FBXL13: variants seen among roughly 807,000 people sequenced by gnomAD.
FBXL13 encodes the protein F-box and leucine rich repeat protein 13.
In FBXL13, 67 loss-of-function variants were observed where a neutral mutation model predicts 83.6. The ratio of observed to expected loss-of-function variants is 0.80; its 90% CI spans 0.66 to 0.98. The LOEUF (loss-of-function observed/expected upper bound fraction) is 0.98, where lower values mean the gene tolerates loss of function less well. Ranked by LOEUF, FBXL13 falls within the 50% of genes least tolerant of loss-of-function variation. The pLI is 0.00. For missense variants in FBXL13, 822 were observed against 866.5 expected (o/e 0.95, Z 0.64); for synonymous variants, 272 against 299.5 (o/e 0.91, Z 0.95).
In FBXL13 at chr7:103,015,935, CTAACCAGCTA is replaced by C. The variant is rs1402542172; in HGVS notation, c.495+9118_495+9127del. Among the ~76,000 whole-genome samples the C allele has an allele frequency of 1.6e-4, 25 of 152,014 alleles. No homozygotes were observed. The East Asian group carries it at 2.1e-3, about 13-fold the overall frequency. On this transcript the variant is annotated intron_variant, in intron 6 of 19. Coordinates refer to ENST00000313221, the Ensembl canonical transcript of FBXL13. ...GAATAAAATAAACAGGAATACAGCT[CTAACCAGCTA>C]TAACCAAGGAGGTGAAAGACCTCTA...
intron 17 of FBXL13, among the ~76,000 whole-genome samples, chr7:102,842,085 G>C (rs1185793890): frequency 6.6e-6 from 1 of 152,154 alleles, no homozygotes; most frequent in African/African-American, 2.4e-5. Flanking sequence ...TGGAGTATTG[G>C]ATGAGAAGAG....
At chr7:103,070,141 T>C (rs545662382) in intron 1 of FBXL13, among the ~76,000 whole-genome samples, 1 of 151,852 alleles carries the variant, frequency 6.6e-6, no homozygotes, top group East Asian at 1.9e-4. Context: ...TCTTGAATTA[T>C]CAACAGAAGA....
chr7:103,020,361 C>G (rs1792998818), intron 6 of FBXL13, among the ~76,000 whole-genome samples: 1 of 152,178 alleles, frequency 6.6e-6, no homozygotes, highest in Non-Finnish European at 1.5e-5. Flanking sequence ...AACCCACAGC[C>G]AATATCATAA....
chr7:102,864,268 T>C (rs1807298116), intron 16 of FBXL13, among the ~76,000 whole-genome samples: 1 of 152,196 alleles, frequency 6.6e-6, no homozygotes, highest in South Asian at 2.1e-4. Context: ...ACCCTCCTTA[T>C]GCCTCCAGGC....
chr7:102,986,268 T>A (rs1453741406), intron 6 of FBXL13, among the ~76,000 whole-genome samples: 3 of 152,006 alleles, frequency 2.0e-5, no homozygotes, highest in African/African-American at 7.3e-5. Flanking sequence ...ATTGGACCAA[T>A]CTATGAAAAA....
chr7:102,816,174 T>C (rs1797975748), intron 19 of FBXL13: 1 of 152,140 alleles, frequency 6.6e-6, no homozygotes, highest in South Asian at 2.1e-4. Flanking sequence ...CCCTGACTAT[T>C]GGAAGTGATG....
chr7:102,855,320 T>C (rs1056114613), intron 16 of FBXL13, among the ~76,000 whole-genome samples: 3 of 152,150 alleles, frequency 2.0e-5, no homozygotes, highest in Non-Finnish European at 4.4e-5. Flanking sequence ...AGGAAGAGAA[T>C]AGATCTTTAT....
At chr7:102,875,947 T>G (rs903494757) in intron 16 of FBXL13, among the ~76,000 whole-genome samples, 1 of 152,146 alleles carries the variant, frequency 6.6e-6, no homozygotes, top group African/African-American at 2.4e-5. Flanking sequence ...GGAATGTCCC[T>G]TCTACTGGCC....
chr7:103,026,612 GTA>G (rs1793940993), intron 5 of FBXL13, among the ~76,000 whole-genome samples: 24 of 152,202 alleles, frequency 1.6e-4, no homozygotes, highest in Non-Finnish European at 2.9e-4. Flanking sequence ...AGCATCTCAA[GTA>G]ATCTCTGAGA....
chr7:102,956,489 T>G (rs1024705513), intron 8 of FBXL13, among the ~76,000 whole-genome samples: 1 of 152,156 alleles, frequency 6.6e-6, no homozygotes, highest in African/African-American at 2.4e-5. Context: ...AAGGATGTCC[T>G]CTCTCACCAC....
chr7:103,050,424 G>T (rs1029210844), intron 2 of FBXL13, among the ~76,000 whole-genome samples: 3 of 152,116 alleles, frequency 2.0e-5, no homozygotes, highest in Non-Finnish European at 2.9e-5. Context: ...TTTCGTTTTG[G>T]CCAGAACAAA....
intron 6 of FBXL13, among the ~76,000 whole-genome samples, chr7:103,013,910 C>T (rs891040911): frequency 6.6e-6 from 1 of 151,416 alleles, no homozygotes; most frequent in African/African-American, 2.4e-5. Flanking sequence ...TTTTAAAAAA[C>T]AGAGAAGATC....
At chr7:102,845,490 A>C (rs2129449959) in intron 17 of FBXL13, among the ~76,000 whole-genome samples, 1 of 152,342 alleles carries the variant, frequency 6.6e-6, no homozygotes, top group Middle Eastern at 3.4e-3. Context: ...GTGCCAAAAT[A>C]CTGAATAGAT....
intron 6 of FBXL13, among the ~76,000 whole-genome samples, chr7:103,014,814 T>G (rs1792069074): frequency 6.7e-6 from 1 of 149,418 alleles, no homozygotes. Context: ...TCCCAGCTAC[T>G]TGGGAGGCTG....
At chr7:102,903,174 A>G (rs1813190741) in intron 11 of FBXL13, among the ~76,000 whole-genome samples, 1 of 151,908 alleles carries the variant, frequency 6.6e-6, no homozygotes, top group African/African-American at 2.4e-5. Context: ...AACTTAATGT[A>G]TGGTTGTTGT....
intron 16 of FBXL13, chr7:102,874,275 G>C (rs1217291298): frequency 1.1e-6 from 1 of 919,596 alleles, no homozygotes; most frequent in East Asian, 1.2e-4. Context: ...GTGTTTAGCT[G>C]CCCAAGTTGA....
chr7:102,906,236 T>G (rs10255596), intron 11 of FBXL13, among the ~76,000 whole-genome samples: 1 of 152,188 alleles, frequency 6.6e-6, no homozygotes, highest in African/African-American at 2.4e-5. Flanking sequence ...AGCCAAACCA[T>G]ATCACTATGC....
chr7:102,814,520 T>C (rs1297269088), intron 19 of FBXL13: 1 of 152,214 alleles, frequency 6.6e-6, no homozygotes, highest in Admixed American at 6.5e-5. Flanking sequence ...AATCAAACTT[T>C]AGATGTATTA....
intron 17 of FBXL13, among the ~76,000 whole-genome samples, chr7:102,841,040 A>T (rs1330743730): frequency 1.3e-5 from 2 of 152,168 alleles, no homozygotes; most frequent in Non-Finnish European, 2.9e-5. Context: ...ACAAATTATA[A>T]CATGGAGAAA....
Sources: gnomAD v4.1 joint callset for allele counts (sites outside exome capture counted in the v4.1 genomes callset) on GRCh38, gnomAD v4.1.1 for gene constraint, MANE v1.5 for transcripts, NCBI Gene and HGNC (gene_info 2026-07-23, HGNC 2026-07-21) for gene names.